The following PHC2 variants were observed in gnomAD, a reference collection of about 807,000 sequenced individuals.
PHC2 encodes the protein polyhomeotic-like protein 2.
A neutral mutation model predicts 87.4 loss-of-function variants in PHC2; 29 were observed. The observed-to-expected ratio is 0.33, with a 90% CI of 0.25 to 0.45. The LOEUF is 0.45. Among genes scored for constraint, PHC2 ranks in the 20% least tolerant of loss-of-function variants. The pLI is 1.00. For synonymous variants in PHC2, 438 were observed against 461.7 expected (o/e 0.95, Z 0.66); for missense variants, 857 against 1,136.7 (o/e 0.75, Z 3.54).
chr1:33,418,449 CA>C (rs1295891009), intron 1 of PHC2, among the ~76,000 whole-genome samples: 1 of 151,966 alleles, frequency 6.6e-6, no homozygotes. Context: ...GATAATGAAA[CA>C]ATATTATGAA....
chr1:33,345,503 A>G (rs1010244277), intron 9 of PHC2: 1 of 972,496 alleles, frequency 1.0e-6, no homozygotes, highest in African/African-American at 1.8e-5. Flanking sequence ...TGGAAGGAGA[A>G]GGAAACAAAA....
At position 33,323,781 on chromosome 1, in the gene PHC2, C is replaced by T. The variant is rs7264; in HGVS notation, c.*1084G>A. ...ACACGGCAGGTCAGAGGCAGGCCCT[C>T]GCCCTTTCTGCCCTGCCTCCTCCTC... On this transcript the variant is annotated 3_prime_UTR_variant, in exon 15 of 15. Coordinates refer to ENST00000683057, the MANE Select transcript of PHC2 (RefSeq NM_001385109.1). The T allele has an allele frequency of 0.4, 61,240 of 152,604 alleles. 13,920 individuals are homozygous for T. Among genetic ancestry groups the T allele is most frequent in the African/African-American group, 0.64 (26,508 of 41,494 alleles). 9.5% of individuals were successfully genotyped at this position (152,604 alleles called of 1,614,324 possible). A position where few individuals can be genotyped will look rare whatever the true frequency, so the allele number is the denominator to read the frequency against.
At position 33,383,387 on chromosome 1, in the gene PHC2, A is replaced by C. The variant is rs371068005; in HGVS notation, c.-54-7794T>G. ...ACAAAAATAGAAGTGAAGGATGAGG[A>C]ATTAAAGCTGGTCATATAGTCCTAG... On this transcript the variant is annotated intron_variant, in intron 1 of 14. Transcript: ENST00000683057. Among the ~76,000 whole-genome samples the C allele has an allele frequency of 4.8e-3, 731 of 152,370 alleles. 3 individuals carry two copies. Among genetic ancestry groups the C allele is most frequent in the Middle Eastern group, 0.014 (4 of 294 alleles).
chr1:33,429,190 T>C (rs530644525), intron 1 of PHC2, among the ~76,000 whole-genome samples: 1 of 152,134 alleles, frequency 6.6e-6, no homozygotes, highest in Non-Finnish European at 1.5e-5. Context: ...AACCTCCACA[T>C]GATGGACCCT....
chr1:33,415,448 G>C (rs1650165412), intron 1 of PHC2, among the ~76,000 whole-genome samples: 2 of 152,162 alleles, frequency 1.3e-5, no homozygotes. Flanking sequence ...CTAGACCAAC[G>C]GCTGCTCTGG....
intron 9 of PHC2, chr1:33,347,239 G>C: frequency 2.0e-6 from 2 of 985,414 alleles, no homozygotes; most frequent in Non-Finnish European, 1.2e-6. Context: ...GTCAATGACA[G>C]AGCAGGTATG....
intron 7 of PHC2, chr1:33,363,660 G>T: frequency 1.3e-6 from 1 of 744,790 alleles, no homozygotes; most frequent in Non-Finnish European, 1.6e-6. Flanking sequence ...GGGTGAAAGG[G>T]CCCTGGCTTT....
At chr1:33,376,284 C>T (rs1447858743) in intron 1 of PHC2, among the ~76,000 whole-genome samples, 1 of 152,190 alleles carries the variant, frequency 6.6e-6, no homozygotes, top group Non-Finnish European at 1.5e-5. Flanking sequence ...ATCCACCTGC[C>T]TTGACCTTCC....
At chr1:33,354,343 G>C (rs1647027616) in intron 9 of PHC2, 58 bp downstream of exon 9, 2 of 1,502,410 alleles carry the variant, frequency 1.3e-6, no homozygotes, top group Non-Finnish European at 9.1e-7. Flanking sequence ...AATGTGCCAG[G>C]GCATGGCAAG....
Position 33,355,213 on chromosome 1 carries a change from T to C in PHC2, c.1017A>G (p.Pro339=). Residue 339 remains proline (P), a synonymous_variant, in exon 8 of 15, where the codon CCA becomes CCG. Coordinates refer to ENST00000683057, the MANE Select transcript of PHC2 (RefSeq NM_001385109.1). ...ATTGGGGCTGCAGGTGCTTTGAGGA[T>C]GGCTGTGGGAGGAGCTGGTGTGGCT... is the stretch of plus-strand genomic sequence containing the variant. ...QLQPHQLLPQ[P]SSKHLQPQFV... is the part of the protein sequence containing the mutation. 6.3e-7 allele frequency: 1 copy of C among 1,599,128 alleles called. No homozygotes were observed. The highest frequency in any genetic ancestry group is 8.5e-7 in the Non-Finnish European group (1 of 1,171,904).
intron 1 of PHC2, among the ~76,000 whole-genome samples, chr1:33,425,307 C>T (rs1387007732): frequency 6.6e-6 from 1 of 152,170 alleles, no homozygotes; most frequent in Non-Finnish European, 1.5e-5. Flanking sequence ...ATTTAACCTT[C>T]AACAACGATA....
chr1:33,345,965 A>C (rs1646837529), intron 9 of PHC2: 5 of 984,804 alleles, frequency 5.1e-6, no homozygotes, highest in Non-Finnish European at 6.0e-6. Context: ...TAAATAGGCA[A>C]CTTTTTTTAA....
intron 9 of PHC2, chr1:33,335,077 AC>A: frequency 2.3e-6 from 1 of 435,634 alleles, no homozygotes; most frequent in Non-Finnish European, 3.1e-6. Context: ...CTCTCTGTGG[AC>A]AACCTTTCCT....
chr1:33,387,490 T>C (rs1350383220), intron 1 of PHC2, among the ~76,000 whole-genome samples: 1 of 152,216 alleles, frequency 6.6e-6, no homozygotes, highest in Non-Finnish European at 1.5e-5. Context: ...GATGGTCTTT[T>C]ATCCATTAGG....
rs1647669534 is a variant in PHC2, at chr1:33,369,190, T to C, written c.577-568A>G. On this transcript the variant is annotated intron_variant, in intron 5 of 14. Coordinates refer to ENST00000683057, the MANE Select transcript of PHC2 (RefSeq NM_001385109.1). This position sits in a 1 kb window ranked among gnomAD's most constrained non-coding sequence, Gnocchi z 4.7. Reference sequence around the variant, plus strand: ...ACAACAGCAGAGGAAGCGGACCGCCTGGAGCCGTCCTCATGTCTGAATCCC... The same window carrying C: ...ACAACAGCAGAGGAAGCGGACCGCCCGGAGCCGTCCTCATGTCTGAATCCC... Among the ~76,000 whole-genome samples the C allele has an allele frequency of 6.6e-6, 1 of 152,224 alleles. No individual in the cohort carries two copies. The highest frequency in any genetic ancestry group is 2.4e-5 in the African/African-American group (1 of 41,442).
At chr1:33,356,569 A>C (rs1235159568) in intron 7 of PHC2, among the ~76,000 whole-genome samples, 1 of 151,950 alleles carries the variant, frequency 6.6e-6, no homozygotes, top group Non-Finnish European at 1.5e-5. Context: ...TTTAACCCTG[A>C]GTGGACACAG....
chr1:33,407,521 T>C (rs925040633), intron 1 of PHC2, among the ~76,000 whole-genome samples: 1 of 152,120 alleles, frequency 6.6e-6, no homozygotes, highest in Non-Finnish European at 1.5e-5. Flanking sequence ...CTTGAGCTGC[T>C]CCAGTAATGG....
At position 33,329,007 on chromosome 1, in the gene PHC2, C is replaced by T. The variant is rs1485846230; in HGVS notation, c.2288G>A (p.Arg763Gln). 9.9e-6 allele frequency: 16 copies of T among 1,614,090 alleles called. No individual in the cohort carries two copies. The highest frequency in any genetic ancestry group is 8.3e-5 in the Admixed American group (5 of 59,996). Residue 763 changes from arginine (R) to glutamine (Q), a missense_variant, in exon 14 of 15, where the codon CGG becomes CAG. Coordinates refer to ENST00000683057, the MANE Select transcript of PHC2 (RefSeq NM_001385109.1). ...PISASSSTSRRRQGQRDLELP... is the reference protein window; with the variant it reads ...PISASSSTSRQRQGQRDLELP... ...CTCCAGGTCCCGCTGGCCTTGTCGC[C>T]GGCGGGAAGTAGATGAGCTGGCTGA...
At chr1:33,356,639 CAGA>C (rs1647092796) in intron 7 of PHC2, among the ~76,000 whole-genome samples, 1 of 152,168 alleles carries the variant, frequency 6.6e-6, no homozygotes, top group South Asian at 2.1e-4. Context: ...CATCCCAAGG[CAGA>C]AGAACCTTTC....
Sources: gnomAD v4.1 joint callset for allele counts (sites outside exome capture counted in the v4.1 genomes callset) on GRCh38, gnomAD v4.1.1 for gene constraint, Gnocchi (gnomAD v3.1) non-coding constraint, MANE v1.5 for transcripts, NCBI Gene and HGNC (gene_info 2026-07-23, HGNC 2026-07-21) for gene names.